The following CEP97 variants were observed in gnomAD, a reference collection of about 807,000 sequenced individuals.
CEP97 encodes centrosomal protein of 97 kDa.
CEP97 carries 43 observed loss-of-function variants against 73.1 expected under a neutral mutation model. The ratio of observed to expected loss-of-function variants is 0.59; its 90% CI spans 0.46 to 0.76. CEP97 has a LOEUF of 0.76. Ranked by LOEUF, CEP97 falls within the 30% of genes least tolerant of loss-of-function variation. The pLI is 0.00. For synonymous variants in CEP97, 337 were observed against 370.0 expected (o/e 0.91, Z 1.02); for missense variants, 939 against 1,014.0 (o/e 0.93, Z 1.00).
chr3:101,751,074 A>G (rs1379369513), intron 6 of CEP97, among the ~76,000 whole-genome samples: 2 of 152,116 alleles, frequency 1.3e-5, no homozygotes, highest in African/African-American at 4.8e-5. Flanking sequence ...CCCTCTACAC[A>G]CTGCTTTGAA....
rs1446011736 is a variant in CEP97 at position 101,758,379 on chromosome 3, C to T, written c.1773C>T (p.Arg591=). 2.9e-5 allele frequency: 47 copies of T among 1,614,034 alleles called. No homozygotes were observed. The highest frequency in any genetic ancestry group is 3.8e-5 in the Non-Finnish European group (45 of 1,180,040). Reference sequence around the variant, plus strand: ...ATGTGCGTTACGAAATCCGGCTACGCAGAATGCAAGAGCACATTGTCTGCT... The same window carrying T: ...ATGTGCGTTACGAAATCCGGCTACGTAGAATGCAAGAGCACATTGTCTGCT... ...AKDVRYEIRL[R]RMQEHIVCLT... Residue 591 remains arginine, a synonymous_variant, in exon 9 of 11, where the codon CGC becomes CGT. Coordinates refer to ENST00000341893, the MANE Select transcript of CEP97 (RefSeq NM_024548.4).
intron 6 of CEP97, among the ~76,000 whole-genome samples, chr3:101,749,859 A>G (rs2107169875): frequency 7.4e-6 from 1 of 134,476 alleles, no homozygotes; most frequent in East Asian, 2.2e-4. Flanking sequence ...TTTTTCTTGT[A>G]AATTTGTTTG....
Position 101,726,695 on chromosome 3 carries a change from A to G in CEP97, c.145A>G (p.Ile49Val). The change falls in exon 2 of 11, where the codon ATT becomes GTT. Residue 49 changes from isoleucine (I) to valine (V), a missense_variant. Ile to Val is a conservative substitution (Grantham distance 29). Transcript: ENST00000341893. ...HTLILDKNQIIKLENLEKCKR... is the reference protein window; with the variant it reads ...HTLILDKNQIVKLENLEKCKR... ...TTTGATTCTGGATAAAAATCAGATTATTAAATTGGAAAATCTGGAGAAATG... is the reference window on the plus strand; with the variant it reads ...TTTGATTCTGGATAAAAATCAGATTGTTAAATTGGAAAATCTGGAGAAATG... 6.2e-7 allele frequency: 1 copy of G among 1,607,866 alleles called. No individual in the cohort carries two copies. The highest frequency in any genetic ancestry group is 8.5e-7 in the Non-Finnish European group (1 of 1,175,948).
rs115729776 is a variant in CEP97, at chr3:101,755,920, A to G, written c.893+326A>G. On this transcript the variant is annotated intron_variant, in intron 7 of 10. Transcript: ENST00000341893. ...CATGGTTGGCTAATTTTTTGTAGAGATGAGGTCTCACTTTGTTCCTCAGTC... is the reference window on the plus strand; with the variant it reads ...CATGGTTGGCTAATTTTTTGTAGAGGTGAGGTCTCACTTTGTTCCTCAGTC... Among the ~76,000 whole-genome samples, 478 of 152,258 alleles carry G rather than the reference A, an allele frequency of 3.1e-3. 5 individuals carry two copies. The highest frequency in any genetic ancestry group is 0.011 in the African/African-American group (440 of 41,542).
intron 10 of CEP97, 116 bp from the exon 11 acceptor site, chr3:101,764,731 C>T (rs1436360513): frequency 2.4e-6 from 2 of 833,564 alleles, no homozygotes; most frequent in Non-Finnish European, 3.6e-6. Context: ...TGCAGTGAGC[C>T]ATGATTGTGC....
intron 6 of CEP97, among the ~76,000 whole-genome samples, chr3:101,743,058 A>T (rs939414365): frequency 1.3e-5 from 2 of 152,028 alleles, no homozygotes; most frequent in Non-Finnish European, 2.9e-5. Flanking sequence ...AGTCTGGGCA[A>T]TATGGTGAAA....
At chr3:101,727,661 TTAAAA>T (rs377428608) in intron 3 of CEP97, 120 bp downstream of exon 3, 80 of 719,932 alleles carry the variant, frequency 1.1e-4, no homozygotes, top group East Asian at 6.3e-4. Context: ...ATAATCTCTG[TTAAAA>T]TAAACTAAAA....
intron 6 of CEP97, among the ~76,000 whole-genome samples, chr3:101,748,315 A>G: frequency 6.6e-6 from 1 of 151,794 alleles, no homozygotes; most frequent in Non-Finnish European, 1.5e-5. Flanking sequence ...AGCAAAGTGG[A>G]AAATCAGATC....
chr3:101,758,005 A>G lies in CEP97; in HGVS notation c.1399A>G (p.Met467Val), dbSNP rs1301447561. Residue 467 changes from methionine (M) to valine (V), a missense_variant, in exon 9 of 11, where the codon ATG (methionine) becomes GTG (valine). Transcript: ENST00000341893. ...WAANENSVQM[M>V]RSEINTEVNE... ...TGCAAATGAGAATTCTGTTCAAATGATGAGAAGTGAAATCAATACAGAGGT... is the reference window on the plus strand; with the variant it reads ...TGCAAATGAGAATTCTGTTCAAATGGTGAGAAGTGAAATCAATACAGAGGT... 1 of 1,614,134 alleles carries G rather than the reference A, an allele frequency of 6.2e-7. No homozygotes were observed. The highest frequency in any genetic ancestry group is 2.2e-5 in the East Asian group (1 of 44,902).
rs370622578 is a variant in CEP97, at chr3:101,764,966, C to T, written c.2013C>T (p.Ser671=). ...VPSKHPLFTQ[S]QESSCDQNAD... The stretch of plus-strand genomic sequence containing the variant: ...CGAAACATCCATTATTTACCCAAAG[C>T]CAGGAGTCCTCTTGTGATCAAAATG... The change falls in exon 11 of 11, where the codon AGC becomes AGT. Residue 671 remains serine (S), a synonymous_variant. Coordinates refer to ENST00000341893, the MANE Select transcript of CEP97 (RefSeq NM_024548.4). 1 of 1,614,144 alleles carries T rather than the reference C, an allele frequency of 6.2e-7. No individual in the cohort carries two copies. The highest frequency in any genetic ancestry group is 8.5e-7 in the Non-Finnish European group (1 of 1,180,022).
chr3:101,735,437 C>T (rs760832175), intron 6 of CEP97, among the ~76,000 whole-genome samples: 1 of 152,190 alleles, frequency 6.6e-6, no homozygotes, highest in African/African-American at 2.4e-5. Context: ...CTCTGGTCTG[C>T]AGCTCCCAGT....
chr3:101,743,356 T>C (rs1317303047), intron 6 of CEP97, among the ~76,000 whole-genome samples: 1 of 152,022 alleles, frequency 6.6e-6, no homozygotes, highest in Non-Finnish European at 1.5e-5. Context: ...TTTTTTTTCC[T>C]GGTTATTATG....
At chr3:101,763,201 C>T (rs1939216488) in intron 10 of CEP97, 2 of 1,235,808 alleles carry the variant, frequency 1.6e-6, no homozygotes, top group Non-Finnish European at 2.1e-6. Flanking sequence ...GCCACATCAC[C>T]TGGCCAAATT....
intron 6 of CEP97, among the ~76,000 whole-genome samples, chr3:101,737,211 G>C (rs539853482): frequency 1.1e-4 from 17 of 152,250 alleles, no homozygotes; most frequent in Non-Finnish European, 1.6e-4. Context: ...CAAACTTAAC[G>C]TTTTATTGGT....
chr3:101,737,968 A>G (rs1211400573), intron 6 of CEP97, among the ~76,000 whole-genome samples: 2 of 144,844 alleles, frequency 1.4e-5, no homozygotes, highest in African/African-American at 5.0e-5. Flanking sequence ...AGACACACAT[A>G]GATTCAAAGG....
At chr3:101,741,593 G>T (rs982143584) in intron 6 of CEP97, among the ~76,000 whole-genome samples, 2 of 152,064 alleles carry the variant, frequency 1.3e-5, no homozygotes, top group Admixed American at 6.6e-5. Context: ...TCAAAAAGTG[G>T]GCAAAGGATA....
chr3:101,763,604 G>A (rs570859352), intron 10 of CEP97, among the ~76,000 whole-genome samples: 2 of 152,090 alleles, frequency 1.3e-5, no homozygotes, highest in Non-Finnish European at 2.9e-5. Flanking sequence ...GGGTCAAAGG[G>A]AAACTAAAAA....
At chr3:101,745,905 C>T (rs1426986196) in intron 6 of CEP97, among the ~76,000 whole-genome samples, 2 of 152,022 alleles carry the variant, frequency 1.3e-5, no homozygotes, top group Non-Finnish European at 2.9e-5. Flanking sequence ...TCCCTCCCTG[C>T]TCCCCCCACC....
At chr3:101,756,659 C>T (rs888673981) in intron 7 of CEP97, among the ~76,000 whole-genome samples, 9 of 151,992 alleles carry the variant, frequency 5.9e-5, no homozygotes, top group Non-Finnish European at 7.4e-5. Context: ...ATTACAGGTG[C>T]GCGACACCGT....
Sources: allele counts gnomAD v4.1 joint callset (sites outside exome capture counted in the v4.1 genomes callset), GRCh38; gene constraint gnomAD v4.1.1; transcripts MANE v1.5; gene names NCBI Gene and HGNC (gene_info 2026-07-23, HGNC 2026-07-21).